IFT172: variants seen among roughly 807,000 people sequenced by gnomAD.
IFT172 encodes intraflagellar transport 172, also known as intraflagellar transport protein 172 homolog.
IFT172 carries 164 observed loss-of-function variants against 248.9 expected under a neutral mutation model. The observed-to-expected ratio is 0.66, with a 90% CI of 0.58 to 0.75. The LOEUF (loss-of-function observed/expected upper bound fraction) is 0.75, where lower values mean the gene tolerates loss of function less well. Among genes scored for constraint, IFT172 ranks in the 30% least tolerant of loss-of-function variants. The pLI is 0.00. For missense variants in IFT172, 1,950 were observed against 2,192.4 expected (o/e 0.89, Z 2.21); for synonymous variants, 729 against 791.6 (o/e 0.92, Z 1.33).
intron 25 of IFT172, 164 bp downstream of exon 25, chr2:27,459,214 T>C: frequency 1.2e-6 from 1 of 858,206 alleles, no homozygotes; most frequent in Admixed American, 3.0e-5. Context: ...CACACTGGAA[T>C]GAAAATGGGA....
Position 27,454,658 on chromosome 2 carries a change from G to A in IFT172, c.3374C>T (p.Ser1125Phe), listed in dbSNP as rs867680794. ...AAVDHAADNCSFEFAFELSRL... is the reference protein window; with the variant it reads ...AAVDHAADNCFFEFAFELSRL... ...AGAGAGTTCAAACGCAAATTCAAAG[G>A]AGCTGAAACAGAAAGTGCAGATAAA... Residue 1125 changes from serine (S) to phenylalanine (F), a missense_variant and splice_region_variant, in exon 31 of 48, where the codon TCC (serine) becomes TTC (phenylalanine). This residue lies in a region of IFT172 where 164 missense variants were observed against 239.3 expected (regional missense o/e 0.69). Transcript: ENST00000260570. This position sits in a 1 kb window ranked among gnomAD's most constrained non-coding sequence, Gnocchi z 4.2. 6.2e-7 allele frequency: 1 copy of A among 1,614,058 alleles called. No homozygotes were observed. The highest frequency in any genetic ancestry group is 8.5e-7 in the Non-Finnish European group (1 of 1,179,982).
chr2:27,459,250 A>G (rs753618143), intron 25 of IFT172, 128 bp downstream of exon 25: 2 of 1,181,084 alleles, frequency 1.7e-6, no homozygotes, highest in Non-Finnish European at 2.4e-6. Flanking sequence ...TTCCCCTTCA[A>G]GGTGATGATG....
chr2:27,451,785 TAAAC>T (rs1379413217), intron 35 of IFT172, among the ~76,000 whole-genome samples: 32 of 151,296 alleles, frequency 2.1e-4, no homozygotes, highest in African/African-American at 6.8e-4. Flanking sequence ...ACAAACAAAA[TAAAC>T]AAACAAACAA....
intron 16 of IFT172, among the ~76,000 whole-genome samples, chr2:27,467,217 A>T (rs929483246): frequency 6.6e-6 from 1 of 152,038 alleles, no homozygotes; most frequent in Non-Finnish European, 1.5e-5. Context: ...CTCAATGTAC[A>T]GTTTAAATAG....
chr2:27,458,888 G>A lies in IFT172; in HGVS notation c.2788-20C>T, dbSNP rs549692842. On this transcript the variant is annotated intron_variant, in intron 25 of 47. Coordinates refer to ENST00000260570, the MANE Select transcript of IFT172 (RefSeq NM_015662.3). ...AGCAATCTGTAGTTGATGGGAGGTA[G>A]ATACAAAAGGTCAGAGCAACAGACT... The A allele has an allele frequency of 4.3e-6, 7 of 1,612,916 alleles. No homozygotes were observed. In the South Asian group the frequency reaches 6.6e-5, roughly 15 times the overall value.
chr2:27,476,659 T>C lies in IFT172; in HGVS notation c.1393A>G (p.Ile465Val), dbSNP rs1667974652. ...DNKKLAYLID[I>V]KTIAIVDLIG... is the part of the protein sequence containing the mutation. ...TACTCACCTATAGCAATAGTCTTAA[T>C]ATCAATAAGATAAGCCAATTTCTTA... Residue 465 changes from isoleucine to valine, a missense_variant, in exon 14 of 48, where the codon ATT becomes GTT. Around this residue, in one of 3 missense-constraint regions of IFT172, gnomAD observed 1,166 missense variants for 1,254.1 expected, o/e 0.93. Coordinates refer to ENST00000260570, the MANE Select transcript of IFT172 (RefSeq NM_015662.3). 1 of 1,592,854 alleles carries C rather than the reference T, an allele frequency of 6.3e-7. No individual in the cohort carries two copies. Among genetic ancestry groups the C allele is most frequent in the Non-Finnish European group, 8.6e-7 (1 of 1,160,870 alleles).
Position 27,454,569 on chromosome 2 carries a change from C to T in IFT172, c.3463G>A (p.Glu1155Lys), listed in dbSNP as rs751929782. 1 of 1,614,032 alleles carries T rather than the reference C, an allele frequency of 6.2e-7. No individual in the cohort carries two copies. The highest frequency in any genetic ancestry group is 8.5e-7 in the Non-Finnish European group (1 of 1,179,958). Residue 1155 changes from glutamate to lysine, a missense_variant and splice_region_variant, in exon 31 of 48, where the codon GAG (glutamate) becomes AAG (lysine). Transcript: ENST00000260570. This position sits in a 1 kb window ranked among gnomAD's most constrained non-coding sequence, Gnocchi z 4.2. The stretch of plus-strand genomic sequence containing the variant: ...CGGGGTCCAAATCACACCCATACCT[C>T]ATCCTCCAGGAACATAGCATATTTG... Reference protein sequence around the residue: ...HLKYAMFLEDEGKFEEAEAEF... With the variant: ...HLKYAMFLEDKGKFEEAEAEF...
intron 42 of IFT172, among the ~76,000 whole-genome samples, chr2:27,446,680 ATTTTT>A (rs766069964): frequency 2.2e-3 from 176 of 80,446 alleles, no homozygotes; most frequent in African/African-American, 8.6e-3. Flanking sequence ...TGCCTGGCTA[ATTTTT>A]TTTTTTTTTT....
intron 42 of IFT172, among the ~76,000 whole-genome samples, chr2:27,446,786 G>A (rs1665156669): frequency 2.2e-5 from 3 of 138,226 alleles, no homozygotes; most frequent in Non-Finnish European, 3.0e-5. Context: ...TGCAAGCTCC[G>A]CTTCCCGGGT....
chr2:27,457,867 TGAG>T lies in IFT172; in HGVS notation c.3082_3084del (p.Leu1028del). 1 of 1,614,186 alleles carries T rather than the reference TGAG, an allele frequency of 6.2e-7. No homozygotes were observed. Among genetic ancestry groups the T allele is most frequent in the South Asian group, 1.1e-5 (1 of 91,082 alleles). On this transcript the variant is annotated inframe_deletion, in exon 28 of 48. Coordinates refer to ENST00000260570, the MANE Select transcript of IFT172 (RefSeq NM_015662.3). ...TTGCCCAGATGTAGGTGTGTATCAC[TGAG>T]GAGATCTGGATGGTGCTTCCCTACC...
chr2:27,456,421 ATC>A, intron 30 of IFT172, 88 bp downstream of exon 30: 1 of 1,490,780 alleles, frequency 6.7e-7, no homozygotes, highest in Non-Finnish European at 9.0e-7. Flanking sequence ...CCTTCCAAGG[ATC>A]TTTCTTTCAG....
In IFT172 at chr2:27,470,972, A is replaced by G; in HGVS notation, c.1648T>C (p.Tyr550His). Reference sequence around the variant, plus strand: ...ACTCTCTCAGGTGCCTCAATGTTGTACCATACACACAGACTGTTTCGGTTC... The same window carrying G: ...ACTCTCTCAGGTGCCTCAATGTTGTGCCATACACACAGACTGTTTCGGTTC... ...AQNRNSLCVW[Y>H]NIEAPERVTM... Residue 550 changes from tyrosine (Y) to histidine (H), a missense_variant, in exon 16 of 48, where the codon TAC (tyrosine) becomes CAC (histidine). By Grantham distance (83) the Tyr-to-His change is moderately conservative. Transcript: ENST00000260570. The G allele has an allele frequency of 6.2e-7, 1 of 1,613,304 alleles. No individual in the cohort carries two copies. The highest frequency in any genetic ancestry group is 1.1e-5 in the South Asian group (1 of 90,900).
chr2:27,462,815 C>T, intron 19 of IFT172, 22 bp from the exon 20 acceptor site: 1 of 1,609,996 alleles, frequency 6.2e-7, no homozygotes, highest in South Asian at 1.1e-5. Flanking sequence ...AAAGGAGGTT[C>T]TGATTTTTCT....
chr2:27,481,448 C>CAT (rs1553336491), intron 7 of IFT172, among the ~76,000 whole-genome samples, 188 bp from the exon 8 acceptor site: 7 of 149,568 alleles, frequency 4.7e-5, no homozygotes, highest in Non-Finnish European at 8.9e-5. Context: ...CACACACACA[C>CAT]ACACATACAC....
chr2:27,468,261 C>T (rs1472535587), intron 16 of IFT172, among the ~76,000 whole-genome samples: 2 of 151,340 alleles, frequency 1.3e-5, no homozygotes, highest in Non-Finnish European at 2.9e-5. Context: ...GAGACAGAGT[C>T]TTACTCTGTC....
chr2:27,483,821 G>T, intron 5 of IFT172, 51 bp downstream of exon 5: 1 of 1,513,962 alleles, frequency 6.6e-7, no homozygotes, highest in South Asian at 1.1e-5. Flanking sequence ...CCTCTCTCCA[G>T]AACCATTATC....
intron 16 of IFT172, among the ~76,000 whole-genome samples, chr2:27,470,620 G>A (rs1178583026): frequency 6.6e-6 from 1 of 152,144 alleles, no homozygotes; most frequent in Non-Finnish European, 1.5e-5. Flanking sequence ...AATCAGCATA[G>A]AAGGAGATGA....
At chr2:27,444,757 C>G (rs1037374820) in intron 47 of IFT172, among the ~76,000 whole-genome samples, 2 of 152,180 alleles carry the variant, frequency 1.3e-5, no homozygotes, top group Non-Finnish European at 2.9e-5. Flanking sequence ...AAGCGATTCT[C>G]CTGCCTCAGC....
In IFT172 at chr2:27,458,200, TG is replaced by T; in HGVS notation, c.2900del (p.Pro967GlnfsTer29). The T allele has an allele frequency of 6.2e-7, 1 of 1,614,226 alleles. No individual in the cohort carries two copies. Among genetic ancestry groups the T allele is most frequent in the Non-Finnish European group, 8.5e-7 (1 of 1,180,032 alleles). On this transcript the variant is annotated frameshift_variant, in exon 27 of 48. Coordinates refer to ENST00000260570, the MANE Select transcript of IFT172 (RefSeq NM_015662.3). LOFTEE classifies it high-confidence loss of function. ...AHKLAMKCMR[P>X]EDVSVLYITQ... ...TGATGTATAGCACTGACACATCTTC[TG>T]GTCTCATGCATTTCATCGCCAGCTG...
Sources: gnomAD v4.1 joint callset for allele counts (sites outside exome capture counted in the v4.1 genomes callset) on GRCh38, gnomAD v4.1.1 for gene constraint, gnomAD v4.1.1 regional missense constraint, Gnocchi (gnomAD v3.1) non-coding constraint, MANE v1.5 for transcripts, NCBI Gene and HGNC (gene_info 2026-07-23, HGNC 2026-07-21) for gene names.